The following CPD variants were observed in gnomAD, a reference collection of about 807,000 sequenced individuals.
CPD encodes the protein metallocarboxypeptidase D.
CPD carries 69 observed loss-of-function variants against 138.3 expected under a neutral mutation model. The observed-to-expected ratio is 0.50, with a 90% CI of 0.41 to 0.61. CPD has a LOEUF of 0.61. CPD is among the 20% of genes least tolerant of loss of function. CPD has a pLI of 0.00. For missense variants in CPD, 1,432 were observed against 1,733.3 expected, an observed-to-expected ratio of 0.83 and a Z score of 3.09; for synonymous variants, 651 against 642.1, an observed-to-expected ratio of 1.01 and a Z score of -0.21.
At chr17:30,380,742 G>C in intron 1 of CPD, 1 of 802,672 alleles carries the variant, frequency 1.2e-6, no homozygotes, top group Non-Finnish European at 1.9e-6. Context: ...AAGAGGTAGA[G>C]CTTGAGCTAT....
intron 2 of CPD, among the ~76,000 whole-genome samples, chr17:30,399,916 G>A (rs1011817503): frequency 2.6e-5 from 4 of 152,166 alleles, no homozygotes; most frequent in South Asian, 2.1e-4. Flanking sequence ...TTAGGAAACC[G>A]GGAGGCAGAG....
chr17:30,417,587 T>C (rs1453889402), intron 2 of CPD, among the ~76,000 whole-genome samples: 1 of 152,202 alleles, frequency 6.6e-6, no homozygotes, highest in African/African-American at 2.4e-5. Flanking sequence ...TTGATTCCTT[T>C]CTTTCTCTCA....
chr17:30,423,024 G>A lies in CPD; in HGVS notation c.1657+1G>A. ...GATAATCCGGGTGTCCATGAACCAGGTAATTGGTATGGTCTTACACATAAT... is the reference window on the plus strand; with the variant it reads ...GATAATCCGGGTGTCCATGAACCAGATAATTGGTATGGTCTTACACATAAT... On this transcript the variant is annotated splice_donor_variant, in intron 5 of 20. Coordinates refer to ENST00000225719, the MANE Select transcript of CPD (RefSeq NM_001304.5). LOFTEE classifies it high-confidence loss of function. 6.2e-7 allele frequency: 1 copy of A among 1,600,054 alleles called. No individual in the cohort carries two copies. The highest frequency in any genetic ancestry group is 8.5e-7 in the Non-Finnish European group (1 of 1,170,166).
intron 8 of CPD, among the ~76,000 whole-genome samples, chr17:30,435,926 T>G (rs1454616200): frequency 6.6e-6 from 1 of 152,182 alleles, no homozygotes; most frequent in Admixed American, 6.5e-5. Context: ...CCCTTCATCA[T>G]CACACGGCAT....
chr17:30,444,083 T>G, intron 11 of CPD, 112 bp downstream of exon 11: 1 of 1,062,860 alleles, frequency 9.4e-7, no homozygotes, highest in South Asian at 1.7e-5. Context: ...TTGAATGGAT[T>G]GCTGCGAAGT....
rs1376369573 is a variant in CPD, at chr17:30,469,985, GC to G, written c.*5172del. 7 of 151,878 alleles carry G rather than the reference GC, an allele frequency of 4.6e-5. No homozygotes were observed. The highest frequency in any genetic ancestry group is 2.0e-4 in the Admixed American group (3 of 15,244). 9.4% of individuals were successfully genotyped at this position (151,878 alleles called of 1,614,324 possible). On this transcript the variant is annotated 3_prime_UTR_variant, in exon 21 of 21. Coordinates refer to ENST00000225719, the MANE Select transcript of CPD (RefSeq NM_001304.5). ...CAGCAAATTAAACATGATGGTCAAC[GC>G]TAATACTACTCAATTATGAATAAGT... is the stretch of plus-strand genomic sequence containing the variant.
intron 2 of CPD, among the ~76,000 whole-genome samples, chr17:30,406,757 AT>A (rs767652282): frequency 6.6e-5 from 10 of 152,202 alleles, no homozygotes; most frequent in Non-Finnish European, 1.3e-4. Context: ...AATTTTACAT[AT>A]GCAAAAAAAC....
intron 2 of CPD, among the ~76,000 whole-genome samples, chr17:30,385,819 AC>A (rs1453561028): frequency 6.6e-6 from 1 of 151,256 alleles, no homozygotes; most frequent in Non-Finnish European, 1.5e-5. Flanking sequence ...TTGTAAAGAG[AC>A]CGTGCTAATA....
At chr17:30,407,315 C>T (rs1218143764) in intron 2 of CPD, among the ~76,000 whole-genome samples, 5 of 152,154 alleles carry the variant, frequency 3.3e-5, no homozygotes, top group Non-Finnish European at 5.9e-5. Flanking sequence ...ATTTATAATC[C>T]TTTGGGTATA....
intron 1 of CPD, among the ~76,000 whole-genome samples, chr17:30,384,203 T>C (rs1448731323): frequency 6.6e-6 from 1 of 152,222 alleles, no homozygotes; most frequent in African/African-American, 2.4e-5. Context: ...AGCAGCTCAC[T>C]GAATCAGGTT....
chr17:30,439,368 C>CTTT (rs71138888), intron 9 of CPD, among the ~76,000 whole-genome samples: 100 of 140,844 alleles, frequency 7.1e-4, no homozygotes, highest in African/African-American at 2.5e-3. Context: ...TATTTGAATT[C>CTTT]TTTTTTTTCT....
At chr17:30,384,724 C>A (rs1236035385) in intron 1 of CPD, among the ~76,000 whole-genome samples, 3 of 152,088 alleles carry the variant, frequency 2.0e-5, no homozygotes, top group African/African-American at 7.2e-5. Flanking sequence ...GCTATTTTTT[C>A]AATGAAGGAA....
intron 2 of CPD, among the ~76,000 whole-genome samples, chr17:30,391,082 G>A (rs138028098): frequency 6.7e-5 from 10 of 148,966 alleles, no homozygotes; most frequent in African/African-American, 2.2e-4. Flanking sequence ...CACCTGCCTC[G>A]CCCTCCCAAA....
intron 1 of CPD, 98 bp from the exon 2 acceptor site, chr17:30,384,891 T>G: frequency 7.5e-7 from 1 of 1,336,726 alleles, no homozygotes; most frequent in Non-Finnish European, 1.0e-6. Context: ...CCAAGAGAGA[T>G]ATTGGAGTTT....
intron 2 of CPD, among the ~76,000 whole-genome samples, chr17:30,395,395 TC>T (rs1209788804): frequency 6.6e-6 from 1 of 152,194 alleles, no homozygotes; most frequent in Non-Finnish European, 1.5e-5. Flanking sequence ...TGAGGCTTTT[TC>T]TTCCCTTTAT....
rs142750107 is a variant in CPD at position 30,460,129 on chromosome 17, T to C, written c.3499-1051T>C. 5.3e-5 allele frequency among the ~76,000 whole-genome samples: 8 copies of C among 152,276 alleles called. No individual in the cohort carries two copies. In the East Asian group the frequency reaches 1.4e-3, roughly 26 times the overall value. ...ATATCTAGTCAGAGATACAGCCTTT[T>C]CTCTTTAGAGGAGATGGCATTTGGG... On this transcript the variant is annotated intron_variant, in intron 17 of 20. Coordinates refer to ENST00000225719, the MANE Select transcript of CPD (RefSeq NM_001304.5).
intron 2 of CPD, among the ~76,000 whole-genome samples, chr17:30,413,215 A>G (rs1342005502): frequency 6.6e-6 from 1 of 152,236 alleles, no homozygotes; most frequent in African/African-American, 2.4e-5. Flanking sequence ...TATTATGACA[A>G]TGAATGCACG....
chr17:30,438,417 G>A (rs1912762415), intron 8 of CPD, among the ~76,000 whole-genome samples: 1 of 152,088 alleles, frequency 6.6e-6, no homozygotes, highest in African/African-American at 2.4e-5. Flanking sequence ...CTGTATGCTA[G>A]ATGCTGAGGA....
chr17:30,446,423 G>A (rs1463395097), intron 12 of CPD, among the ~76,000 whole-genome samples: 6 of 152,036 alleles, frequency 3.9e-5, no homozygotes, highest in Non-Finnish European at 5.9e-5. Context: ...AGAACATGCA[G>A]TGTTTGGTTT....
Sources: allele counts gnomAD v4.1 joint callset (sites outside exome capture counted in the v4.1 genomes callset), GRCh38; gene constraint gnomAD v4.1.1; transcripts MANE v1.5; gene names NCBI Gene and HGNC (gene_info 2026-07-23, HGNC 2026-07-21).